The following TRIM55 variants were observed in gnomAD, a reference collection of about 807,000 sequenced individuals.
TRIM55 encodes the protein tripartite motif-containing protein 55.
In TRIM55, 50 loss-of-function variants were observed where a neutral mutation model predicts 60.9. That is an observed-to-expected ratio of 0.82 (90% CI 0.65 to 1.04). The LOEUF (loss-of-function observed/expected upper bound fraction) is 1.04. TRIM55 is among the 50% of genes least tolerant of loss of function. TRIM55 has a pLI of 0.00. For synonymous variants in TRIM55, 237 were observed against 238.1 expected, an observed-to-expected ratio of 1.00 and a Z score of 0.04; for missense variants, 681 against 666.9, an observed-to-expected ratio of 1.02 and a Z score of -0.23.
chr8:66,148,263 G>C (rs1810213313), intron 4 of TRIM55, among the ~76,000 whole-genome samples: 1 of 152,216 alleles, frequency 6.6e-6, no homozygotes, highest in Non-Finnish European at 1.5e-5. Context: ...CCAGACTAAA[G>C]GGATCTGGAT....
intron 4 of TRIM55, 66 bp downstream of exon 4, chr8:66,137,256 T>C (rs1809535905): frequency 4.2e-6 from 5 of 1,200,662 alleles, no homozygotes; most frequent in South Asian, 2.5e-5. Context: ...ATGACTTCCT[T>C]AGTGCCACAC....
At chr8:66,124,613 T>C (rs1462110278), upstream of TRIM55, among the ~76,000 whole-genome samples, 2 of 152,198 alleles carry the variant, frequency 1.3e-5, no homozygotes, top group Non-Finnish European at 2.9e-5. Context: ...CTGTAGCTGT[T>C]GTGAAAGGAA....
At chr8:66,167,891 G>A (rs58396472) in intron 9 of TRIM55, among the ~76,000 whole-genome samples, 1 of 152,078 alleles carries the variant, frequency 6.6e-6, no homozygotes, top group Admixed American at 6.6e-5. Flanking sequence ...AGGACTGCAG[G>A]CATGTGCCAC....
At chr8:66,144,676 GTC>G (rs1810009267) in intron 4 of TRIM55, among the ~76,000 whole-genome samples, 1 of 152,222 alleles carries the variant, frequency 6.6e-6, no homozygotes, top group Non-Finnish European at 1.5e-5. Flanking sequence ...TTGAATTACT[GTC>G]CAGAGAAGAG....
upstream of TRIM55, among the ~76,000 whole-genome samples, chr8:66,125,324 T>C (rs1010559337): frequency 1.3e-5 from 2 of 152,240 alleles, no homozygotes; most frequent in Admixed American, 6.5e-5. Flanking sequence ...TCCACTCTTA[T>C]ACTGAGCTCC....
At chr8:66,147,794 CAAA>C (rs1180935272) in intron 4 of TRIM55, among the ~76,000 whole-genome samples, 10 of 44,176 alleles carry the variant, frequency 2.3e-4, no homozygotes, top group African/African-American at 6.7e-4. Flanking sequence ...GACTCCATCT[CAAA>C]AAAAAAAAAA....
chr8:66,121,929 CTGATTCAAGTCCA>C (rs918620074), upstream of TRIM55, among the ~76,000 whole-genome samples: 1 of 152,142 alleles, frequency 6.6e-6, no homozygotes, highest in Admixed American at 6.5e-5. Flanking sequence ...GACTTAAATT[CTGATTCAAGTCCA>C]GAATTTCCCC....
chr8:66,147,761 C>G (rs1810175643), intron 4 of TRIM55, among the ~76,000 whole-genome samples: 1 of 144,476 alleles, frequency 6.9e-6, no homozygotes. Context: ...CGCCATTGCA[C>G]TCCAGCGTGG....
intron 9 of TRIM55, among the ~76,000 whole-genome samples, chr8:66,156,229 C>G (rs1043018112): frequency 1.2e-4 from 19 of 152,154 alleles, no homozygotes; most frequent in African/African-American, 4.6e-4. Flanking sequence ...GGTGGGTTCT[C>G]TTTGAACCCT....
chr8:66,124,419 C>T (rs1315519357), upstream of TRIM55, among the ~76,000 whole-genome samples: 1 of 152,188 alleles, frequency 6.6e-6, no homozygotes, highest in East Asian at 1.9e-4. Context: ...CAGCTCAAGC[C>T]ACCGTGGCTC....
At chr8:66,145,989 C>T (rs1279808320) in intron 4 of TRIM55, among the ~76,000 whole-genome samples, 2 of 152,170 alleles carry the variant, frequency 1.3e-5, no homozygotes, top group Admixed American at 1.3e-4. Flanking sequence ...AGTGACAGCT[C>T]TGCTGGGTTT....
intron 6 of TRIM55, 34 bp from the exon 7 acceptor site, chr8:66,150,307 CA>C (rs1810339302): frequency 6.2e-7 from 1 of 1,613,910 alleles, no homozygotes; most frequent in African/African-American, 1.3e-5. Context: ...CAATTTTCAA[CA>C]GTGACAGAAA....
At chr8:66,117,181 C>A in the TRIM55 span, among the ~76,000 whole-genome samples, 1 of 152,200 alleles carries the variant, frequency 6.6e-6, no homozygotes, top group African/African-American at 2.4e-5. Flanking sequence ...ACACATGCAG[C>A]TTACCTGATG....
At chr8:66,139,999 G>A (rs570017113) in intron 4 of TRIM55, among the ~76,000 whole-genome samples, 3 of 152,110 alleles carry the variant, frequency 2.0e-5, no homozygotes, top group Non-Finnish European at 4.4e-5. Context: ...GATATGCTTA[G>A]ATGCACAAAT....
At chr8:66,136,687 A>C (rs545260552) in intron 3 of TRIM55, among the ~76,000 whole-genome samples, 1 of 152,366 alleles carries the variant, frequency 6.6e-6, no homozygotes, top group South Asian at 2.1e-4. Flanking sequence ...TGTATACACT[A>C]TATTCTTATG....
chr8:66,152,076 A>C (rs1810460382), intron 7 of TRIM55, among the ~76,000 whole-genome samples: 2 of 152,166 alleles, frequency 1.3e-5, no homozygotes, highest in African/African-American at 4.8e-5. Flanking sequence ...CAGATGTGGC[A>C]GACTGTAATA....
At chr8:66,157,997 C>A (rs1810839542) in intron 9 of TRIM55, among the ~76,000 whole-genome samples, 1 of 152,134 alleles carries the variant, frequency 6.6e-6, no homozygotes, top group Admixed American at 6.6e-5. Context: ...TTGGATTCAG[C>A]CTTGTGGTGA....
chr8:66,121,699 TA>T, the TRIM55 span, among the ~76,000 whole-genome samples: 1 of 152,216 alleles, frequency 6.6e-6, no homozygotes, highest in South Asian at 2.1e-4. Context: ...CTGTTTTCTG[TA>T]TATCACTTCC....
At chr8:66,169,356 C>T (rs1036212097) in intron 9 of TRIM55, among the ~76,000 whole-genome samples, 2 of 152,172 alleles carry the variant, frequency 1.3e-5, no homozygotes, top group Non-Finnish European at 2.9e-5. Flanking sequence ...AATCTGCACT[C>T]AAATGAATTT....
Sources: allele counts gnomAD v4.1 joint callset (sites outside exome capture counted in the v4.1 genomes callset), GRCh38; gene constraint gnomAD v4.1.1; transcripts MANE v1.5; gene names NCBI Gene and HGNC (gene_info 2026-07-23, HGNC 2026-07-21).